The following OTC variants were observed in gnomAD, a reference collection of about 807,000 sequenced individuals.
OTC encodes ornithine transcarbamylase, mitochondrial.
Under a neutral mutation model 30.3 loss-of-function variants are expected in OTC, and 3 were observed. The ratio of observed to expected loss-of-function variants is 0.10; its 90% CI spans 0.05 to 0.26. The LOEUF is 0.26. Ranked by LOEUF, OTC falls within the 10% of genes least tolerant of loss-of-function variation. The pLI, the probability that OTC is intolerant of heterozygous loss-of-function variation, is 1.00. For synonymous variants in OTC, 111 were observed against 99.7 expected (o/e 1.11, Z -0.67); for missense variants, 194 against 260.3 (o/e 0.75, Z 1.75).
At chrX:38,383,318 AAAGT>A (rs1174084383) in intron 4 of OTC, among the ~76,000 whole-genome samples, 1 of 111,843 alleles carries the variant, frequency 8.9e-6, no homozygotes, top group African/African-American at 3.3e-5. Context: ...AAAATCTTGC[AAAGT>A]AAGTATTATT....
intron 8 of OTC, among the ~76,000 whole-genome samples, chrX:38,410,059 C>A (rs1004668410): frequency 9.0e-6 from 1 of 111,123 alleles, no homozygotes; most frequent in Non-Finnish European, 1.9e-5. Flanking sequence ...TATTATTATT[C>A]TTACTTTTTC....
chrX:38,417,938 C>T (rs1288361586), intron 9 of OTC, among the ~76,000 whole-genome samples: 1 of 112,113 alleles, frequency 8.9e-6, no homozygotes, highest in Non-Finnish European at 1.9e-5. Context: ...AATAATGCTG[C>T]AGTGAACATG....
the OTC span, among the ~76,000 whole-genome samples, chrX:38,331,451 T>G: frequency 5.3e-4 from 40 of 75,992 alleles, no homozygotes; most frequent in Admixed American, 8.2e-4. Context: ...TGTTTTTTTT[T>G]TTTGTTTGTT....
intron 8 of OTC, among the ~76,000 whole-genome samples, chrX:38,410,035 A>G (rs1363923477): frequency 3.6e-5 from 4 of 111,377 alleles, no homozygotes; most frequent in Non-Finnish European, 7.5e-5. Context: ...TATTTTAGAC[A>G]TTACTTATTT....
At chrX:38,414,069 T>C (rs767304171) in intron 9 of OTC, among the ~76,000 whole-genome samples, 11 of 111,400 alleles carry the variant, frequency 9.9e-5, no homozygotes, top group Non-Finnish European at 1.7e-4. Context: ...AAATGTGAGC[T>C]CTCCAACCAC....
chrX:38,412,675 T>C (rs922160978), intron 9 of OTC, among the ~76,000 whole-genome samples: 1 of 112,253 alleles, frequency 8.9e-6, no homozygotes, highest in Admixed American at 9.5e-5. Context: ...CTCCACCATT[T>C]TTTTAGCTTT....
chrX:38,340,711 T>C, the OTC span, among the ~76,000 whole-genome samples: 1 of 110,712 alleles, frequency 9.0e-6, no homozygotes, highest in Admixed American at 9.7e-5. Flanking sequence ...TAAGGCCTCC[T>C]TTGTGCCCTC....
intron 1 of OTC, among the ~76,000 whole-genome samples, chrX:38,362,445 G>A (rs1445342558): frequency 1.8e-5 from 2 of 111,768 alleles, no homozygotes; most frequent in Non-Finnish European, 3.8e-5. Flanking sequence ...AAAGTCTAGA[G>A]TCAGAAAGGG....
intron 3 of OTC, among the ~76,000 whole-genome samples, chrX:38,372,774 G>C (rs748565627): frequency 1.8e-5 from 2 of 112,555 alleles, no homozygotes; most frequent in Non-Finnish European, 3.7e-5. Context: ...CCTATTGTGA[G>C]TATGTGCATC....
intron 1 of OTC, among the ~76,000 whole-genome samples, chrX:38,356,436 T>C (rs2068241997): frequency 9.0e-6 from 1 of 111,580 alleles, no homozygotes; most frequent in Non-Finnish European, 1.9e-5. Flanking sequence ...TCACAGACAC[T>C]TTGAAGGGTG....
In OTC at chrX:38,403,699, G is replaced by A. The variant is rs72558416; in HGVS notation, c.622G>A (p.Ala208Thr). 7.4e-6 allele frequency: 9 copies of A among 1,210,063 alleles called. No homozygotes were observed. Among genetic ancestry groups the A allele is most frequent in the Non-Finnish European group, 1.0e-5 (9 of 894,032 alleles). Residue 208 changes from alanine to threonine, a missense_variant, in exon 6 of 10, where the codon GCA becomes ACA. Transcript: ENST00000039007. ...NNILHSIMMS[A>T]AKFGMHLQAA... ...TATCCTGCACTCCATCATGATGAGC[G>A]CAGCGAAATTCGGAATGCACCTTCA...
At chrX:38,406,107 C>T (rs1238502258) in intron 6 of OTC, among the ~76,000 whole-genome samples, 2 of 111,795 alleles carry the variant, frequency 1.8e-5, no homozygotes, top group Non-Finnish European at 3.8e-5. Context: ...CCTGGTTAAA[C>T]CTTGGTGGGA....
At chrX:38,404,935 GA>G (rs1249401988) in intron 6 of OTC, among the ~76,000 whole-genome samples, 1 of 111,643 alleles carries the variant, frequency 9.0e-6, no homozygotes, top group Non-Finnish European at 1.9e-5. Context: ...TCTCACAGGT[GA>G]GCTCTGGAGT....
At chrX:38,372,402 A>AT (rs1874351911) in intron 3 of OTC, among the ~76,000 whole-genome samples, 1 of 111,977 alleles carries the variant, frequency 8.9e-6, no homozygotes, top group Admixed American at 9.5e-5. Context: ...TACTATATAT[A>AT]TTTTTAAATA....
chrX:38,362,453 G>A (rs1330734839), intron 1 of OTC, among the ~76,000 whole-genome samples: 1 of 111,787 alleles, frequency 8.9e-6, no homozygotes, highest in Non-Finnish European at 1.9e-5. Context: ...GAGTCAGAAA[G>A]GGAGATTTTT....
rs186447184 is a variant in OTC at position 38,360,529 on chromosome X, G to A, written c.78-6762G>A. Among the ~76,000 whole-genome samples the A allele has an allele frequency of 2.7e-5, 3 of 111,851 alleles. No individual in the cohort carries two copies. In the East Asian group the frequency reaches 8.4e-4, roughly 31 times the overall value. On this transcript the variant is annotated intron_variant, in intron 1 of 9. Transcript: ENST00000039007. ...GTAGAGTCAGGAAAGGAATCTCTTA[G>A]GAAGTGATATTTAAGCTTACAGCCT... is the stretch of plus-strand genomic sequence containing the variant.
intron 9 of OTC, among the ~76,000 whole-genome samples, chrX:38,412,473 A>ATG (rs763456934): frequency 3.6e-5 from 4 of 111,928 alleles, no homozygotes; most frequent in Non-Finnish European, 7.5e-5. Context: ...ATAGGGATAT[A>ATG]TGTGTTTTTA....
At chrX:38,349,298 G>C (rs2068203529), upstream of OTC, among the ~76,000 whole-genome samples, 1 of 112,149 alleles carries the variant, frequency 8.9e-6, no homozygotes, top group Admixed American at 9.4e-5. Flanking sequence ...CTTTTGGGGA[G>C]CATGTAGAAT....
intron 1 of OTC, among the ~76,000 whole-genome samples, chrX:38,353,420 GGGAGATGA>G (rs1203437379): frequency 9.0e-6 from 1 of 110,629 alleles, no homozygotes; most frequent in Non-Finnish European, 1.9e-5. Context: ...AAGGGAACAG[GGGAGATGA>G]GTTAGCTGGG....
Sources: allele counts gnomAD v4.1 joint callset (sites outside exome capture counted in the v4.1 genomes callset), GRCh38; gene constraint gnomAD v4.1.1; transcripts MANE v1.5; gene names NCBI Gene and HGNC (gene_info 2026-07-23, HGNC 2026-07-21).